MYLK: variants seen among roughly 807,000 people sequenced by gnomAD.
MYLK encodes myosin light chain kinase, smooth muscle.
In MYLK, 106 loss-of-function variants were observed where a neutral mutation model predicts 203.4. That is an observed-to-expected ratio of 0.52 (90% CI 0.45 to 0.61). MYLK has a LOEUF of 0.61. Among genes scored for constraint, MYLK ranks in the 20% least tolerant of loss-of-function variants. The pLI is 0.00. For missense variants in MYLK, 2,072 were observed against 2,442.3 expected, an observed-to-expected ratio of 0.85 and a Z score of 3.20; for synonymous variants, 867 against 959.5, an observed-to-expected ratio of 0.90 and a Z score of 1.78.
chr3:123,614,029 T>G lies in MYLK; in HGVS notation c.*76A>C, dbSNP rs941074001. The G allele has an allele frequency of 2.0e-4, 102 of 511,100 alleles. No individual in the cohort carries two copies. In the African/African-American group the frequency reaches 2.0e-3, roughly 10 times the overall value. 31.7% of individuals were successfully genotyped at this position (511,100 alleles called of 1,614,324 possible). ...CACTAGGTGCTTTTACTATCTTGAG[T>G]TTTTTTTTTTTTTTTGAGTTTTAGA... On this transcript the variant is annotated 3_prime_UTR_variant, in exon 34 of 34. Transcript: ENST00000360304.
At position 123,658,295 on chromosome 3, in the gene MYLK, T is replaced by G. The variant is rs553844950; in HGVS notation, c.3986-867A>C. Among the ~76,000 whole-genome samples, 67 of 152,334 alleles carry G rather than the reference T, an allele frequency of 4.4e-4. 1 individual carries two copies. The highest frequency in any genetic ancestry group is 1.5e-3 in the African/African-American group (63 of 41,572). On this transcript the variant is annotated intron_variant, in intron 23 of 33. Transcript: ENST00000360304. The stretch of plus-strand genomic sequence containing the variant: ...ATGAGCTGAGGACACAAATAAGAAG[T>G]GGCCCTTTTGGCTGGCTGCCTTCTC...
chr3:123,694,306 G>T (rs1282734274), intron 18 of MYLK, among the ~76,000 whole-genome samples: 1 of 152,158 alleles, frequency 6.6e-6, no homozygotes, highest in Non-Finnish European at 1.5e-5. Flanking sequence ...TCTTCCCTTT[G>T]TAGTTAGGAG....
At chr3:123,620,488 G>A (rs929597419) in intron 31 of MYLK, 152 bp from the exon 32 acceptor site, 48 of 1,552,208 alleles carry the variant, frequency 3.1e-5, no homozygotes, top group East Asian at 6.9e-5. Flanking sequence ...CCAGAGGAGC[G>A]AACCCAACCT....
At chr3:123,771,308 G>A (rs1444849379) in intron 4 of MYLK, among the ~76,000 whole-genome samples, 3 of 151,924 alleles carry the variant, frequency 2.0e-5, no homozygotes, top group Admixed American at 6.6e-5. Flanking sequence ...TCTTCAAATC[G>A]GAGTTTACCC....
At chr3:123,859,633 C>T (rs1577138928) in intron 2 of MYLK, among the ~76,000 whole-genome samples, 1 of 152,156 alleles carries the variant, frequency 6.6e-6, no homozygotes, top group African/African-American at 2.4e-5. Context: ...GTCCATATAC[C>T]ACTATCATAT....
intron 7 of MYLK, 32 bp from the exon 8 acceptor site, chr3:123,737,575 C>G (rs764643435): frequency 1.2e-6 from 2 of 1,613,578 alleles, no homozygotes; most frequent in Admixed American, 1.7e-5. Context: ...CTTGGTCATA[C>G]AAATCTGCTC....
At chr3:123,735,684 G>A in intron 8 of MYLK, 11 of 435,538 alleles carry the variant, frequency 2.5e-5, no homozygotes, top group Non-Finnish European at 4.2e-5. Flanking sequence ...TAAACAGAAG[G>A]AAAAAAAACC....
At chr3:123,873,746 T>C (rs934087182) in intron 2 of MYLK, among the ~76,000 whole-genome samples, 2 of 152,172 alleles carry the variant, frequency 1.3e-5, no homozygotes, top group Non-Finnish European at 2.9e-5. Flanking sequence ...AGCTAGCTAC[T>C]AATCACATTA....
intron 19 of MYLK, chr3:123,692,472 G>T (rs945019211): frequency 2.6e-6 from 3 of 1,157,764 alleles, no homozygotes; most frequent in Admixed American, 6.2e-5. Context: ...AAGGTTCTGG[G>T]TGTGGGGATC....
intron 3 of MYLK, among the ~76,000 whole-genome samples, chr3:123,820,652 T>TTCCCTCCC (rs1458697844): frequency 5.3e-5 from 6 of 113,920 alleles, no homozygotes; most frequent in African/African-American, 1.8e-4. Context: ...CCCTCCTTCC[T>TTCCCTCCC]TCCTTCCTTC....
chr3:123,773,767 C>G (rs750170029), intron 4 of MYLK, among the ~76,000 whole-genome samples: 46 of 152,254 alleles, frequency 3.0e-4, no homozygotes, highest in Non-Finnish European at 6.0e-4. Flanking sequence ...GCTGGGAGGA[C>G]TTCAAAGGAC....
At chr3:123,789,334 G>A (rs1189675830) in intron 4 of MYLK, among the ~76,000 whole-genome samples, 5 of 151,982 alleles carry the variant, frequency 3.3e-5, no homozygotes, top group African/African-American at 4.8e-5. Context: ...CTTTGACCCC[G>A]CCCCCCCAGG....
intron 4 of MYLK, among the ~76,000 whole-genome samples, chr3:123,757,216 A>G (rs769313129): frequency 3.3e-5 from 5 of 152,208 alleles, no homozygotes; most frequent in Non-Finnish European, 5.9e-5. Context: ...AGGGCTTTCA[A>G]CTTATCCTCA....
At chr3:123,788,932 C>T (rs549470544) in intron 4 of MYLK, among the ~76,000 whole-genome samples, 1 of 152,120 alleles carries the variant, frequency 6.6e-6, no homozygotes, top group Non-Finnish European at 1.5e-5. Flanking sequence ...CAGGGCTTGT[C>T]ACCATGTTTG....
At chr3:123,636,514 A>C (rs1232361596) in intron 29 of MYLK, among the ~76,000 whole-genome samples, 1 of 152,378 alleles carries the variant, frequency 6.6e-6, no homozygotes, top group African/African-American at 2.4e-5. Context: ...ACCACAGCGC[A>C]GCTGGGGCTG....
chr3:123,734,091 C>T lies in MYLK; in HGVS notation c.905G>A (p.Arg302Lys). ...TGCAGCCCAGGGTGGGGAGCCACCT[C>T]TCTGGGGGCTGGAGCAGTTCTTGCT... ...AKSKNCSSPQ[R>K]GGSPPWAANS... The change falls in exon 10 of 34, where the codon AGA (arginine) becomes AAA (lysine). Residue 302 changes from arginine (R) to lysine (K), a missense_variant. Arg to Lys is a conservative substitution (Grantham distance 26). This residue lies in a region of MYLK where 683 missense variants were observed against 643.8 expected (regional missense o/e 1.06). Transcript: ENST00000360304. The T allele has an allele frequency of 6.2e-7, 1 of 1,611,178 alleles. No homozygotes were observed. The highest frequency in any genetic ancestry group is 8.5e-7 in the Non-Finnish European group (1 of 1,178,402).
chr3:123,618,986 G>GATC (rs2057685133), intron 32 of MYLK, among the ~76,000 whole-genome samples: 3 of 152,200 alleles, frequency 2.0e-5, no homozygotes, highest in Non-Finnish European at 4.4e-5. Context: ...GCTGAGGAAG[G>GATC]ATCAGACTCC....
intron 2 of MYLK, among the ~76,000 whole-genome samples, chr3:123,837,600 ATGCTTTTT>A (rs557502021): frequency 1.7e-3 from 249 of 150,858 alleles, no homozygotes; most frequent in Non-Finnish European, 2.7e-3. Flanking sequence ...CTTCAAATCA[ATGCTTTTT>A]AAGTATAGTC....
intron 29 of MYLK, among the ~76,000 whole-genome samples, chr3:123,636,567 G>A (rs1165679776): frequency 6.6e-6 from 1 of 152,256 alleles, no homozygotes; most frequent in Non-Finnish European, 1.5e-5. Flanking sequence ...AGGGTCTGGT[G>A]TTTTTCCCAG....
Sources: allele counts gnomAD v4.1 joint callset (sites outside exome capture counted in the v4.1 genomes callset), GRCh38; gene constraint gnomAD v4.1.1; regional missense constraint gnomAD v4.1.1; transcripts MANE v1.5; gene names NCBI Gene and HGNC (gene_info 2026-07-23, HGNC 2026-07-21).